The following NAALADL2 variants were observed in gnomAD, a reference collection of about 807,000 sequenced individuals.
NAALADL2 encodes the protein inactive N-acetylated-alpha-linked acidic dipeptidase-like protein 2.
NAALADL2 carries 76 observed loss-of-function variants against 87.2 expected under a neutral mutation model. The observed-to-expected ratio is 0.87, with a 90% CI of 0.72 to 1.05. The LOEUF (loss-of-function observed/expected upper bound fraction) is 1.05, where lower values mean the gene tolerates loss of function less well. NAALADL2 is among the 50% of genes least tolerant of loss of function. The pLI is 0.00. For synonymous variants in NAALADL2, 354 were observed against 331.0 expected (o/e 1.07, Z -0.75); for missense variants, 1,089 against 945.8 (o/e 1.15, Z -1.99).
intron 2 of NAALADL2, among the ~76,000 whole-genome samples, chr3:174,722,934 G>A (rs1731840966): frequency 6.6e-6 from 1 of 152,128 alleles, no homozygotes; most frequent in Non-Finnish European, 1.5e-5. Flanking sequence ...GGTTTATGTG[G>A]CTAGCAGATA....
chr3:175,321,759 AC>A (rs2110404189), intron 4 of NAALADL2, among the ~76,000 whole-genome samples: 1 of 134,710 alleles, frequency 7.4e-6, no homozygotes, highest in Non-Finnish European at 1.5e-5. Flanking sequence ...AGAATAAAAT[AC>A]CTAGGAATCC....
chr3:175,307,790 A>G (rs1401100577), intron 4 of NAALADL2, among the ~76,000 whole-genome samples: 1 of 152,170 alleles, frequency 6.6e-6, no homozygotes, highest in African/African-American at 2.4e-5. Flanking sequence ...TCTGAAATTT[A>G]GTGTAAAGAG....
In NAALADL2 at chr3:175,097,163, G is replaced by A; in HGVS notation, c.417G>A (p.Gly139=). 1 of 1,613,734 alleles carries A rather than the reference G, an allele frequency of 6.2e-7. No individual in the cohort carries two copies. The highest frequency in any genetic ancestry group is 2.2e-5 in the East Asian group (1 of 44,874). The change falls in exon 2 of 14, where the codon GGG becomes GGA. Residue 139 remains glycine (G), a synonymous_variant. Coordinates refer to ENST00000454872, the MANE Select transcript of NAALADL2 (RefSeq NM_207015.3). ...CAGCCACCATTTTATTTATTTTTGG[G>A]ATTTTGATAGGTTATTATGTACATA... is the stretch of plus-strand genomic sequence containing the variant. ...LCTATILFIF[G]ILIGYYVHTN... is the part of the protein sequence containing the mutation.
At chr3:175,549,580 A>G (rs1713999924) in intron 9 of NAALADL2, among the ~76,000 whole-genome samples, 2 of 151,934 alleles carry the variant, frequency 1.3e-5, no homozygotes, top group Non-Finnish European at 2.9e-5. Context: ...AGAGACTGTG[A>G]GCTTGAAATT....
intron 2 of NAALADL2, among the ~76,000 whole-genome samples, chr3:174,669,116 C>T (rs546273245): frequency 1.3e-5 from 2 of 152,294 alleles, no homozygotes; most frequent in South Asian, 2.1e-4. Flanking sequence ...GCCATTCTAA[C>T]TGATGTGAGA....
intron 2 of NAALADL2, among the ~76,000 whole-genome samples, chr3:174,587,161 A>G (rs985723419): frequency 1.3e-5 from 2 of 152,106 alleles, no homozygotes; most frequent in Middle Eastern, 3.2e-3. Flanking sequence ...AAGGACATGA[A>G]CTTATCCTTT....
At chr3:175,665,773 A>G (rs1732876997) in intron 11 of NAALADL2, among the ~76,000 whole-genome samples, 1 of 152,118 alleles carries the variant, frequency 6.6e-6, no homozygotes, top group Non-Finnish European at 1.5e-5. Flanking sequence ...TCTGCTAAAA[A>G]TACAAAAATT....
chr3:175,555,267 A>G (rs998968800), intron 9 of NAALADL2, among the ~76,000 whole-genome samples: 1 of 152,210 alleles, frequency 6.6e-6, no homozygotes, highest in East Asian at 1.9e-4. Flanking sequence ...TTACCTGTCC[A>G]CTATAGTGCT....
intron 1 of NAALADL2, among the ~76,000 whole-genome samples, chr3:174,887,804 T>G (rs931341633): frequency 4.7e-5 from 7 of 150,356 alleles, no homozygotes; most frequent in African/African-American, 1.7e-4. Context: ...TCAAAAAAAT[T>G]ATTTTTGCTT....
At chr3:175,425,005 G>A (rs995286347) in intron 5 of NAALADL2, among the ~76,000 whole-genome samples, 1 of 152,120 alleles carries the variant, frequency 6.6e-6, no homozygotes. Context: ...GGGAGGTGAG[G>A]ATAAAGAAAA....
At chr3:175,553,219 T>C (rs76664631) in intron 9 of NAALADL2, among the ~76,000 whole-genome samples, 1,736 of 152,282 alleles carry the variant, frequency 0.011, 24 homozygotes, top group African/African-American at 0.038. Flanking sequence ...TGAATAAATA[T>C]GCCTAAAACC....
intron 10 of NAALADL2, among the ~76,000 whole-genome samples, chr3:175,591,784 G>GTGTGTGTATA (rs1443245536): frequency 2.9e-5 from 4 of 137,074 alleles, no homozygotes; most frequent in Non-Finnish European, 6.3e-5. Context: ...GTGTGTGTGT[G>GTGTGTGTATA]TATATATATA....
intron 5 of NAALADL2, among the ~76,000 whole-genome samples, chr3:175,331,974 T>C (rs1257232987): frequency 6.6e-6 from 1 of 151,798 alleles, no homozygotes; most frequent in African/African-American, 2.4e-5. Context: ...AAAAACGCAA[T>C]CCCATTCACA....
intron 13 of NAALADL2, among the ~76,000 whole-genome samples, chr3:175,784,104 C>T (rs1751554707): frequency 2.0e-5 from 3 of 150,044 alleles, no homozygotes; most frequent in Admixed American, 6.6e-5. Flanking sequence ...ATTCGTTTTG[C>T]CAGTATTTTA....
chr3:174,740,007 G>T (rs1400224100), intron 3 of NAALADL2, among the ~76,000 whole-genome samples: 1 of 151,898 alleles, frequency 6.6e-6, no homozygotes, highest in Non-Finnish European at 1.5e-5. Context: ...TTATTACCTT[G>T]TTTTATAAAA....
chr3:174,475,899 G>T (rs1717180880), intron 1 of NAALADL2, among the ~76,000 whole-genome samples: 1 of 151,898 alleles, frequency 6.6e-6, no homozygotes, highest in African/African-American at 2.4e-5. Context: ...CAGTCAAGGA[G>T]ATGAACAAAG....
chr3:174,569,179 G>A (rs1179220343), intron 2 of NAALADL2, among the ~76,000 whole-genome samples: 30 of 151,812 alleles, frequency 2.0e-4, no homozygotes, highest in Admixed American at 1.9e-3. Flanking sequence ...AGTTGCAGAA[G>A]AGAGTGTATT....
intron 5 of NAALADL2, among the ~76,000 whole-genome samples, chr3:175,335,104 C>T (rs1256053816): frequency 6.6e-6 from 1 of 152,180 alleles, no homozygotes; most frequent in Non-Finnish European, 1.5e-5. Flanking sequence ...AGTGGAACAT[C>T]TGGACAAAAC....
intron 2 of NAALADL2, among the ~76,000 whole-genome samples, chr3:174,654,060 TTG>T (rs137877260): frequency 0.064 from 9,159 of 143,740 alleles, 252 homozygotes; most frequent in Middle Eastern, 0.072. Flanking sequence ...TAAGATGGCT[TTG>T]TGTGTGTGTG....
Sources: allele counts gnomAD v4.1 joint callset (sites outside exome capture counted in the v4.1 genomes callset), GRCh38; gene constraint gnomAD v4.1.1; transcripts MANE v1.5; gene names NCBI Gene and HGNC (gene_info 2026-07-23, HGNC 2026-07-21).